The following SLMAP variants were observed in gnomAD, a reference collection of about 807,000 sequenced individuals.
The protein encoded by SLMAP is sarcolemmal membrane-associated protein.
In SLMAP, 44 loss-of-function variants were observed where a neutral mutation model predicts 128.8. The observed-to-expected ratio is 0.34, with a 90% CI of 0.27 to 0.44. SLMAP has a LOEUF of 0.44. Among genes scored for constraint, SLMAP ranks in the 20% least tolerant of loss-of-function variants. The probability of loss-of-function intolerance (pLI) is 1.00; values close to 1 mark genes in which losing one functional copy is unlikely to be tolerated. For missense variants in SLMAP, 787 were observed against 985.3 expected (o/e 0.80, Z 2.69); for synonymous variants, 327 against 348.8 (o/e 0.94, Z 0.70).
Position 57,757,137 on chromosome 3 carries a change from CTGCCCAGAGG to C in SLMAP, c.-507_-498del, listed in dbSNP as rs2077791489. The C allele has an allele frequency of 5.6e-6, 1 of 178,512 alleles. No homozygotes were observed. The highest frequency in any genetic ancestry group is 1.1e-4 in the South Asian group (1 of 8,974). The allele number at this position is 178,512 out of a possible 1,614,324, so 11.1% of individuals were successfully genotyped here. ...CACTCCGGGCGAGGACTGGCGGTGG[CTGCCCAGAGG>C]TGCCCAGCCACACCTTCCTTCGGCC... On this transcript the variant is annotated 5_prime_UTR_variant, in exon 2 of 25. Transcript: ENST00000671191.
At chr3:57,821,366 A>G (rs1194415868) in intron 2 of SLMAP, among the ~76,000 whole-genome samples, 1 of 152,142 alleles carries the variant, frequency 6.6e-6, no homozygotes, top group Non-Finnish European at 1.5e-5. Context: ...CGGGTAATAT[A>G]TTGGCAAGTT....
chr3:57,800,930 A>G (rs266842), intron 2 of SLMAP: 41,671 of 239,618 alleles, frequency 0.17, 4,543 homozygotes, highest in East Asian at 0.42. Context: ...AGCTCTGACA[A>G]TGCCATGGCT....
intron 5 of SLMAP, among the ~76,000 whole-genome samples, chr3:57,847,550 A>G (rs2094314081): frequency 6.6e-6 from 1 of 152,218 alleles, no homozygotes. Context: ...CTGTCTAGAA[A>G]TTTGTTTAAG....
At chr3:57,790,538 AT>A (rs1486706046) in intron 2 of SLMAP, among the ~76,000 whole-genome samples, 1 of 152,014 alleles carries the variant, frequency 6.6e-6, no homozygotes, top group Non-Finnish European at 1.5e-5. Context: ...ATTCTACCTA[AT>A]TTTATGTTAT....
chr3:57,895,625 C>T (rs918472390), intron 15 of SLMAP, among the ~76,000 whole-genome samples: 3 of 151,954 alleles, frequency 2.0e-5, no homozygotes, highest in Non-Finnish European at 4.4e-5. Flanking sequence ...TGAGCCACTG[C>T]GCCTGGCCCT....
rs1434909883 is a variant in SLMAP at position 57,866,492 on chromosome 3, ATATGTAATGAATT to A, written c.1237+1202_1237+1214del. Among the ~76,000 whole-genome samples, 3 of 152,306 alleles carry A rather than the reference ATATGTAATGAATT, an allele frequency of 2.0e-5. No homozygotes were observed. In the East Asian group the frequency reaches 5.8e-4, roughly 29 times the overall value. ...GCTGCAAGGTCAAAACCTTATTTGCATATGTAATGAATTTTGAAACTCTCAAGAAAAATGTTCA... is the reference window on the plus strand; with the variant it reads ...GCTGCAAGGTCAAAACCTTATTTGCATTGAAACTCTCAAGAAAAATGTTCA... On this transcript the variant is annotated intron_variant, in intron 13 of 24. Transcript: ENST00000671191.
At chr3:57,853,955 T>TTTTATATA (rs1491461131) in intron 6 of SLMAP, among the ~76,000 whole-genome samples, 53 of 31,930 alleles carry the variant, frequency 1.7e-3, no homozygotes, top group African/African-American at 6.0e-3. Context: ...AAAAAAAAAA[T>TTTTATATA]TATATATATA....
At chr3:57,789,922 C>T (rs561949772) in intron 2 of SLMAP, among the ~76,000 whole-genome samples, 9 of 152,190 alleles carry the variant, frequency 5.9e-5, no homozygotes, top group Admixed American at 2.6e-4. Context: ...CTGCAACCTC[C>T]GCCTCCTGGG....
intron 2 of SLMAP, among the ~76,000 whole-genome samples, chr3:57,775,819 C>T (rs2081813878): frequency 6.6e-6 from 1 of 152,148 alleles, no homozygotes. Flanking sequence ...TTGCCTGAGG[C>T]TCCCAAGTAA....
chr3:57,863,822 G>A (rs185653021), intron 10 of SLMAP, among the ~76,000 whole-genome samples: 36 of 152,136 alleles, frequency 2.4e-4, no homozygotes, highest in Admixed American at 1.4e-3. Context: ...AGGCAGAGAG[G>A]TCTTTTTGAA....
chr3:57,773,363 GCT>G (rs1177339514), intron 2 of SLMAP, among the ~76,000 whole-genome samples: 2 of 152,188 alleles, frequency 1.3e-5, no homozygotes, highest in Non-Finnish European at 2.9e-5. Context: ...TGTACTATAT[GCT>G]GTAGGAACTT....
At chr3:57,841,411 A>G (rs771811370) in intron 4 of SLMAP, 40 bp downstream of exon 4, 3 of 1,170,236 alleles carry the variant, frequency 2.6e-6, no homozygotes, top group Non-Finnish European at 3.8e-6. Context: ...TGTGAAGTTT[A>G]GTACTGTAAA....
chr3:57,845,214 G>A (rs953726000), intron 4 of SLMAP, among the ~76,000 whole-genome samples: 9 of 152,144 alleles, frequency 5.9e-5, no homozygotes, highest in Admixed American at 2.0e-4. Flanking sequence ...CACCAACTTT[G>A]TTAGGGCCTG....
At chr3:57,885,768 G>GTTTTTT (rs2095866001) in intron 14 of SLMAP, among the ~76,000 whole-genome samples, 1 of 88,286 alleles carries the variant, frequency 1.1e-5, no homozygotes, top group Non-Finnish European at 2.4e-5. Flanking sequence ...TCGGTTTTTG[G>GTTTTTT]TTCTTTTTTT....
intron 14 of SLMAP, among the ~76,000 whole-genome samples, chr3:57,882,785 A>T (rs1245979156): frequency 6.6e-6 from 1 of 152,094 alleles, no homozygotes; most frequent in East Asian, 1.9e-4. Context: ...AGGGTGAGAG[A>T]GTTTGGAGCA....
chr3:57,871,168 T>A (rs2095471231), intron 13 of SLMAP, among the ~76,000 whole-genome samples: 1 of 152,216 alleles, frequency 6.6e-6, no homozygotes, highest in South Asian at 2.1e-4. Context: ...GTAAAACTTA[T>A]TACATCAATT....
At chr3:57,911,302 A>T (rs1399792369) in intron 19 of SLMAP, among the ~76,000 whole-genome samples, 1 of 152,160 alleles carries the variant, frequency 6.6e-6, no homozygotes, top group Non-Finnish European at 1.5e-5. Flanking sequence ...CCTTCCTACA[A>T]ACTTAGAAAG....
intron 2 of SLMAP, among the ~76,000 whole-genome samples, chr3:57,811,021 T>A (rs1240827792): frequency 3.3e-5 from 5 of 152,238 alleles, no homozygotes; most frequent in Non-Finnish European, 2.9e-5. Context: ...CTGAGACTTC[T>A]TCCCCTGAAC....
chr3:57,769,586 A>G (rs1559919687), intron 2 of SLMAP, among the ~76,000 whole-genome samples: 1 of 152,078 alleles, frequency 6.6e-6, no homozygotes, highest in Non-Finnish European at 1.5e-5. Flanking sequence ...AGGCTCCCAA[A>G]GTGTTAGGAT....
Sources: gnomAD v4.1 joint callset for allele counts (sites outside exome capture counted in the v4.1 genomes callset) on GRCh38, gnomAD v4.1.1 for gene constraint, MANE v1.5 for transcripts, NCBI Gene and HGNC (gene_info 2026-07-23, HGNC 2026-07-21) for gene names.